Variants in EXOC6B observed in about 807,000 individuals in gnomAD.
EXOC6B encodes the protein exocyst complex component 6B, also known as SEC15 homolog B.
EXOC6B carries 54 observed loss-of-function variants against 113.5 expected under a neutral mutation model. The ratio of observed to expected loss-of-function variants is 0.48; its 90% CI spans 0.38 to 0.60. The LOEUF is 0.60. EXOC6B is among the 20% of genes least tolerant of loss of function. The probability of loss-of-function intolerance (pLI) is 0.00; values close to 1 mark genes in which losing one functional copy is unlikely to be tolerated. For missense variants in EXOC6B, 797 were observed against 977.5 expected (o/e 0.82, Z 2.46); for synonymous variants, 357 against 339.0 (o/e 1.05, Z -0.58).
At chr2:72,185,285 A>G (rs2104234142) in intron 20 of EXOC6B, among the ~76,000 whole-genome samples, 1 of 152,360 alleles carries the variant, frequency 6.6e-6, no homozygotes, top group East Asian at 1.9e-4. Context: ...GAGGGCCAAG[A>G]GTGCAGTCAT....
intron 19 of EXOC6B, among the ~76,000 whole-genome samples, chr2:72,361,483 G>A (rs1450193783): frequency 3.3e-5 from 5 of 152,134 alleles, no homozygotes; most frequent in African/African-American, 4.8e-5. Context: ...GATCTGTAAT[G>A]GAATGCCTGA....
chr2:72,433,295 A>C (rs539278212), intron 18 of EXOC6B, among the ~76,000 whole-genome samples: 23 of 151,998 alleles, frequency 1.5e-4, no homozygotes, highest in Non-Finnish European at 3.1e-4. Context: ...GTGCCATGCT[A>C]TTTTGGTTAC....
At chr2:72,757,696 T>G (rs1179313338) in intron 1 of EXOC6B, among the ~76,000 whole-genome samples, 3 of 152,168 alleles carry the variant, frequency 2.0e-5, no homozygotes, top group Non-Finnish European at 4.4e-5. Context: ...AGACAGCCTA[T>G]CTCTCTGAGT....
intron 20 of EXOC6B, among the ~76,000 whole-genome samples, chr2:72,289,961 A>G (rs971202760): frequency 2.6e-5 from 4 of 152,218 alleles, no homozygotes; most frequent in African/African-American, 4.8e-5. Flanking sequence ...AAAAACCACA[A>G]AGGTTGACTT....
chr2:72,474,681 T>C (rs886212820), intron 17 of EXOC6B, among the ~76,000 whole-genome samples: 3 of 152,148 alleles, frequency 2.0e-5, no homozygotes, highest in African/African-American at 7.2e-5. Context: ...TTTCTTTGTA[T>C]TGTTTTGCAG....
intron 19 of EXOC6B, among the ~76,000 whole-genome samples, chr2:72,373,041 T>C (rs907928548): frequency 2.0e-5 from 3 of 151,772 alleles, no homozygotes; most frequent in Admixed American, 6.6e-5. Context: ...GAGGAAACTC[T>C]TCAGGATATC....
intron 8 of EXOC6B, among the ~76,000 whole-genome samples, chr2:72,557,824 T>C (rs976968913): frequency 3.3e-5 from 5 of 152,126 alleles, no homozygotes; most frequent in African/African-American, 1.2e-4. Flanking sequence ...AAAAAAAGAA[T>C]TGTACATATA....
intron 1 of EXOC6B, among the ~76,000 whole-genome samples, chr2:72,798,643 C>T (rs1016073545): frequency 3.3e-5 from 5 of 152,062 alleles, no homozygotes; most frequent in Non-Finnish European, 4.4e-5. Flanking sequence ...TCCATTATTT[C>T]AGCAAATAGT....
chr2:72,210,008 T>C (rs1294094354), intron 20 of EXOC6B, among the ~76,000 whole-genome samples: 1 of 152,224 alleles, frequency 6.6e-6, no homozygotes, highest in Non-Finnish European at 1.5e-5. Flanking sequence ...TATGCAGGCA[T>C]AATTTTTAAA....
chr2:72,623,264 T>G (rs1671855108), intron 6 of EXOC6B, among the ~76,000 whole-genome samples: 1 of 152,220 alleles, frequency 6.6e-6, no homozygotes, highest in Non-Finnish European at 1.5e-5. Flanking sequence ...CTATCATATA[T>G]GCACCCTATA....
At chr2:72,559,397 G>T in intron 8 of EXOC6B, 56 bp downstream of exon 8, 1 of 1,268,236 alleles carries the variant, frequency 7.9e-7, no homozygotes, top group Non-Finnish European at 1.1e-6. Flanking sequence ...AGTTGAGAGA[G>T]CAAAGTTTTG....
At chr2:72,416,016 G>C (rs530754243) in intron 18 of EXOC6B, among the ~76,000 whole-genome samples, 15 of 152,132 alleles carry the variant, frequency 9.9e-5, no homozygotes, top group African/African-American at 3.6e-4. Context: ...CAACTACAAG[G>C]GTTTATTTCT....
intron 20 of EXOC6B, among the ~76,000 whole-genome samples, chr2:72,310,153 C>G (rs1687100700): frequency 6.6e-6 from 1 of 152,048 alleles, no homozygotes; most frequent in African/African-American, 2.4e-5. Context: ...AGTATATGTC[C>G]AGGAAGGACA....
At chr2:72,488,600 C>T (rs1035518670) in intron 16 of EXOC6B, among the ~76,000 whole-genome samples, 3 of 152,122 alleles carry the variant, frequency 2.0e-5, no homozygotes, top group Admixed American at 6.6e-5. Context: ...TATATACAGC[C>T]TTCTCGTTGC....
At chr2:72,225,284 T>A (rs1681165166) in intron 20 of EXOC6B, among the ~76,000 whole-genome samples, 2 of 152,260 alleles carry the variant, frequency 1.3e-5, no homozygotes, top group African/African-American at 4.8e-5. Context: ...CAATAACAAG[T>A]CTAACAACAG....
At chr2:72,751,069 A>G (rs899727949) in intron 1 of EXOC6B, among the ~76,000 whole-genome samples, 3 of 152,160 alleles carry the variant, frequency 2.0e-5, no homozygotes, top group Admixed American at 1.3e-4. Context: ...AAAAAAAACT[A>G]TCAAAAATGA....
intron 6 of EXOC6B, among the ~76,000 whole-genome samples, chr2:72,712,056 T>G (rs552192582): frequency 3.3e-5 from 5 of 152,174 alleles, no homozygotes; most frequent in Non-Finnish European, 7.3e-5. Flanking sequence ...CCTCCTCAGA[T>G]TCGCTAAATG....
intron 1 of EXOC6B, among the ~76,000 whole-genome samples, chr2:72,783,704 A>AT (rs1210858870): frequency 8.6e-5 from 13 of 151,786 alleles, no homozygotes; most frequent in African/African-American, 3.1e-4. Flanking sequence ...AAATGTGGAG[A>AT]TTTTTTTCCT....
At chr2:72,200,875 G>A (rs1465621867) in intron 20 of EXOC6B, among the ~76,000 whole-genome samples, 2 of 152,138 alleles carry the variant, frequency 1.3e-5, no homozygotes, top group Non-Finnish European at 2.9e-5. Context: ...TTACCTCAGT[G>A]AACAAATGTT....
Sources: gnomAD v4.1 joint callset for allele counts (sites outside exome capture counted in the v4.1 genomes callset) on GRCh38, gnomAD v4.1.1 for gene constraint, MANE v1.5 for transcripts, NCBI Gene and HGNC (gene_info 2026-07-23, HGNC 2026-07-21) for gene names.